Variants in LOC128706665 observed in about 807,000 individuals in gnomAD.
At chr20:10,425,614 G>C in the LOC128706665 span, among the ~76,000 whole-genome samples, 3 of 152,136 alleles carry the variant, frequency 2.0e-5, no homozygotes, top group Non-Finnish European at 2.9e-5. Flanking sequence ...CAAAACACTT[G>C]GCAAGTTGTT....
the LOC128706665 span, among the ~76,000 whole-genome samples, chr20:10,417,888 C>G: frequency 6.6e-6 from 1 of 151,968 alleles, no homozygotes; most frequent in Admixed American, 6.6e-5. Flanking sequence ...GATGAGGAAG[C>G]AATCAGCCAA....
chr20:10,414,331 T>A, the LOC128706665 span, among the ~76,000 whole-genome samples: 1 of 149,116 alleles, frequency 6.7e-6, no homozygotes, highest in African/African-American at 2.5e-5. Context: ...AATGGCGTGA[T>A]CTTGGCTCAC....
chr20:10,425,274 G>A, the LOC128706665 span, among the ~76,000 whole-genome samples: 965 of 152,250 alleles, frequency 6.3e-3, 7 homozygotes, highest in Middle Eastern at 0.02. Flanking sequence ...GAGCTATACA[G>A]CATTTGATTA....
At chr20:10,418,962 C>T in the LOC128706665 span, among the ~76,000 whole-genome samples, 1 of 152,016 alleles carries the variant, frequency 6.6e-6, no homozygotes, top group South Asian at 2.1e-4. Context: ...AGTTGTTAAG[C>T]TTCTATGTTA....
the LOC128706665 span, among the ~76,000 whole-genome samples, chr20:10,433,840 A>G: frequency 6.6e-6 from 1 of 151,546 alleles, no homozygotes; most frequent in Admixed American, 6.6e-5. Context: ...GTGAGGCGCC[A>G]CTCCTCCAGC....
the LOC128706665 span, among the ~76,000 whole-genome samples, chr20:10,417,682 AAT>A: frequency 2.0e-5 from 3 of 152,210 alleles, no homozygotes; most frequent in African/African-American, 7.2e-5. Context: ...AAAAAAAAAA[AAT>A]CAACATCATC....
the LOC128706665 span, among the ~76,000 whole-genome samples, chr20:10,431,420 A>G: frequency 1.3e-5 from 2 of 152,154 alleles, no homozygotes; most frequent in Non-Finnish European, 2.9e-5. Context: ...TCAGGGGGGA[A>G]CTACCAAGAA....
the LOC128706665 span, among the ~76,000 whole-genome samples, chr20:10,415,483 T>C: frequency 2.4e-4 from 37 of 152,310 alleles, no homozygotes; most frequent in African/African-American, 7.9e-4. Flanking sequence ...AGGGCAATGA[T>C]GGTCAGCTTT....
At chr20:10,427,581 T>C in the LOC128706665 span, among the ~76,000 whole-genome samples, 13 of 152,266 alleles carry the variant, frequency 8.5e-5, no homozygotes, top group Non-Finnish European at 1.9e-4. Flanking sequence ...AAAGTTATTT[T>C]TTATCCTCAA....
At chr20:10,431,620 A>T in the LOC128706665 span, 18 of 152,180 alleles carry the variant, frequency 1.2e-4, no homozygotes, top group African/African-American at 3.9e-4. Context: ...TCATTTTTCA[A>T]AATCATAGTT....
chr20:10,429,583 CT>C, the LOC128706665 span, among the ~76,000 whole-genome samples: 74 of 152,282 alleles, frequency 4.9e-4, no homozygotes, highest in African/African-American at 1.6e-3. Context: ...CCTGGATTTC[CT>C]GTTTCGTTAA....
the LOC128706665 span, among the ~76,000 whole-genome samples, chr20:10,425,055 A>T: frequency 1.4e-5 from 2 of 143,552 alleles, no homozygotes; most frequent in African/African-American, 4.9e-5. Context: ...CTCCGTCTCA[A>T]AAAAAAAAAA....
chr20:10,415,815 C>T, the LOC128706665 span, among the ~76,000 whole-genome samples: 1 of 152,168 alleles, frequency 6.6e-6, no homozygotes, highest in East Asian at 1.9e-4. Context: ...CTCTGTCAGT[C>T]TTACAGTAGT....
chr20:10,426,393 C>A, the LOC128706665 span, among the ~76,000 whole-genome samples: 1 of 151,104 alleles, frequency 6.6e-6, no homozygotes, highest in Non-Finnish European at 1.5e-5. Flanking sequence ...CTTGGGGCAT[C>A]ATGCCTGGCA....
the LOC128706665 span, among the ~76,000 whole-genome samples, chr20:10,431,205 T>C: frequency 3.9e-5 from 6 of 152,132 alleles, no homozygotes; most frequent in Non-Finnish European, 8.8e-5. Flanking sequence ...ATCAAAGCAA[T>C]TATATATTAT....
chr20:10,430,688 C>A, the LOC128706665 span, among the ~76,000 whole-genome samples: 6 of 152,200 alleles, frequency 3.9e-5, no homozygotes, highest in Non-Finnish European at 7.4e-5. Flanking sequence ...TAATTAGATT[C>A]TAGGATATTA....
the LOC128706665 span, among the ~76,000 whole-genome samples, chr20:10,427,081 A>ACACACAC: frequency 1.2e-5 from 1 of 85,700 alleles, no homozygotes; most frequent in Admixed American, 1.1e-4. Flanking sequence ...CACACACACA[A>ACACACAC]AGTAAGGTTA....
At chr20:10,420,182 AAAG>A in the LOC128706665 span, among the ~76,000 whole-genome samples, 2 of 152,226 alleles carry the variant, frequency 1.3e-5, no homozygotes, top group Admixed American at 6.5e-5. Flanking sequence ...GTTAAAAAAA[AAAG>A]AACACTAATA....
chr20:10,419,859 T>C, the LOC128706665 span, among the ~76,000 whole-genome samples: 1 of 152,166 alleles, frequency 6.6e-6, no homozygotes, highest in South Asian at 2.1e-4. Context: ...ATTTCTGGAA[T>C]TTTCTATTTA....
Sources: gnomAD v4.1 joint callset for allele counts (sites outside exome capture counted in the v4.1 genomes callset) on GRCh38, gnomAD v4.1.1 for gene constraint, MANE v1.5 for transcripts.